The following FAM3B variants were observed in gnomAD, a reference collection of about 807,000 sequenced individuals.
FAM3B encodes the protein protein FAM3B.
A neutral mutation model predicts 28.4 loss-of-function variants in FAM3B; 29 were observed. The observed-to-expected ratio is 1.02, with a 90% CI of 0.76 to 1.39. FAM3B has a LOEUF of 1.39. FAM3B is among the 40% of genes most tolerant of loss of function. The probability of loss-of-function intolerance (pLI) is 0.00; values close to 1 mark genes in which losing one functional copy is unlikely to be tolerated. For synonymous variants in FAM3B, 91 were observed against 103.0 expected (o/e 0.88, Z 0.71); for missense variants, 266 against 293.9 (o/e 0.91, Z 0.69).
chr21:41,328,483 A>G (rs449043), intron 2 of FAM3B, among the ~76,000 whole-genome samples: 49,401 of 151,798 alleles, frequency 0.33, 10,991 homozygotes, highest in African/African-American at 0.64. Context: ...CTTTAAATTT[A>G]GGTATCTGGA....
intron 1 of FAM3B, among the ~76,000 whole-genome samples, chr21:41,311,769 G>C (rs1307204749): frequency 6.6e-6 from 1 of 152,142 alleles, no homozygotes; most frequent in Non-Finnish European, 1.5e-5. Context: ...ACAGTGAGGA[G>C]TACCTTAATA....
intron 5 of FAM3B, 49 bp from the exon 6 acceptor site, chr21:41,346,964 G>A: frequency 6.5e-7 from 1 of 1,546,104 alleles, no homozygotes; most frequent in Non-Finnish European, 8.9e-7. Context: ...CCAAGGCAGA[G>A]CCTCAGTGAA....
chr21:41,328,188 G>A (rs536901896), intron 2 of FAM3B, among the ~76,000 whole-genome samples: 62 of 152,294 alleles, frequency 4.1e-4, no homozygotes, highest in African/African-American at 1.4e-3. Context: ...AGGGGAGCGC[G>A]GGCTCCAGGG....
chr21:41,337,794 G>A (rs1197271990), intron 2 of FAM3B, among the ~76,000 whole-genome samples: 1 of 151,792 alleles, frequency 6.6e-6, no homozygotes, highest in African/African-American at 2.4e-5. Context: ...GTGTGTGAAT[G>A]TGTGCTGTAT....
At chr21:41,316,667 G>T, upstream of FAM3B, 1 of 367,270 alleles carries the variant, frequency 2.7e-6, no homozygotes, top group Non-Finnish European at 4.7e-6. Flanking sequence ...GCACAGCCCG[G>T]GGCACAGCCC....
chr21:41,342,640 A>G (rs73226129), intron 3 of FAM3B, among the ~76,000 whole-genome samples: 27,451 of 152,170 alleles, frequency 0.18, 2,678 homozygotes, highest in Non-Finnish European at 0.21. Context: ...TTAGGTTACT[A>G]TATTATCTTA....
At chr21:41,304,269 G>T (rs754664471) in exon 1 of FAM3B, 1 of 456,126 alleles carries the variant, frequency 2.2e-6, no homozygotes, top group South Asian at 1.5e-5. Context: ...GCACCCTGGC[G>T]CCATCTTTTT....
At chr21:41,322,505 C>G in intron 1 of FAM3B, 1 of 697,596 alleles carries the variant, frequency 1.4e-6, no homozygotes, top group East Asian at 2.7e-5. Flanking sequence ...AGCTTTACCC[C>G]TGAAGGTTTC....
intron 3 of FAM3B, among the ~76,000 whole-genome samples, chr21:41,338,948 A>G (rs2088980286): frequency 2.0e-5 from 3 of 152,216 alleles, no homozygotes. Flanking sequence ...AAGCGAAGTT[A>G]GACTACTTTA....
chr21:41,322,674 C>T, intron 1 of FAM3B: 1 of 720,916 alleles, frequency 1.4e-6, no homozygotes, highest in South Asian at 1.5e-5. Context: ...TAAGTTAAGA[C>T]CTAAACCAAC....
At chr21:41,304,584 G>A (rs78902043) in intron 1 of FAM3B, among the ~76,000 whole-genome samples, 228 of 152,324 alleles carry the variant, frequency 1.5e-3, no homozygotes, top group African/African-American at 5.3e-3. Flanking sequence ...GGGCTGCCTG[G>A]GCATGGACCC....
At chr21:41,331,264 C>A (rs2088903807) in intron 2 of FAM3B, among the ~76,000 whole-genome samples, 1 of 152,160 alleles carries the variant, frequency 6.6e-6, no homozygotes. Flanking sequence ...GTTCTTTATC[C>A]ATTTTTCAAT....
At chr21:41,308,021 C>T (rs567764781) in intron 1 of FAM3B, among the ~76,000 whole-genome samples, 2 of 152,276 alleles carry the variant, frequency 1.3e-5, no homozygotes, top group Admixed American at 6.5e-5. Context: ...AAGTGAAGCA[C>T]AATAAAGTGA....
intron 3 of FAM3B, among the ~76,000 whole-genome samples, 194 bp downstream of exon 3, chr21:41,338,695 A>G (rs1032397805): frequency 2.6e-5 from 4 of 151,470 alleles, no homozygotes; most frequent in South Asian, 4.1e-4. Context: ...ATTGTCTCTA[A>G]TGGCTGTATG....
chr21:41,310,486 T>C (rs2088703258), intron 1 of FAM3B, among the ~76,000 whole-genome samples: 1 of 152,222 alleles, frequency 6.6e-6, no homozygotes, highest in African/African-American at 2.4e-5. Context: ...TGTGCACTGA[T>C]GCATCTCTGA....
chr21:41,356,970 T>C (rs1157611007), intron 7 of FAM3B, 138 bp from the exon 8 acceptor site: 12 of 376,500 alleles, frequency 3.2e-5, no homozygotes, highest in South Asian at 7.6e-5. Flanking sequence ...TTAAGAAATG[T>C]ATTGGAAATC....
intron 7 of FAM3B, among the ~76,000 whole-genome samples, chr21:41,355,916 G>C (rs2089160983): frequency 6.6e-6 from 1 of 152,066 alleles, no homozygotes; most frequent in African/African-American, 2.4e-5. Context: ...CTTACTTTAA[G>C]CATCAAGTTA....
intron 1 of FAM3B, chr21:41,319,853 A>T (rs1465776720): frequency 6.6e-6 from 1 of 152,114 alleles, no homozygotes; most frequent in Non-Finnish European, 1.5e-5. Flanking sequence ...TTGTAGTCCT[A>T]ACCCCTGCCC....
At chr21:41,317,750 G>C (rs1367632004) in intron 1 of FAM3B, among the ~76,000 whole-genome samples, 1 of 152,126 alleles carries the variant, frequency 6.6e-6, no homozygotes, top group Non-Finnish European at 1.5e-5. Context: ...GTGTTGGACT[G>C]AACCATCGCC....
Sources: gnomAD v4.1 joint callset for allele counts (sites outside exome capture counted in the v4.1 genomes callset) on GRCh38, gnomAD v4.1.1 for gene constraint, MANE v1.5 for transcripts, NCBI Gene and HGNC (gene_info 2026-07-23, HGNC 2026-07-21) for gene names.